The following SLC7A2 variants were observed in gnomAD, a reference collection of about 807,000 sequenced individuals.
SLC7A2 encodes solute carrier family 7 member 2.
Under a neutral mutation model 58.9 loss-of-function variants are expected in SLC7A2, and 48 were observed. That is an observed-to-expected ratio of 0.82 (90% CI 0.65 to 1.04). SLC7A2 has a LOEUF of 1.04. Ranked by LOEUF, SLC7A2 falls within the 50% of genes least tolerant of loss-of-function variation. The pLI is 0.00. For synonymous variants in SLC7A2, 363 were observed against 314.5 expected (o/e 1.15, Z -1.63); for missense variants, 1,029 against 818.8 (o/e 1.26, Z -3.13).
chr8:17,518,495 T>C (rs988321104), intron 2 of SLC7A2, among the ~76,000 whole-genome samples: 1 of 152,186 alleles, frequency 6.6e-6, no homozygotes, highest in Admixed American at 6.5e-5. Context: ...AACACTTTGC[T>C]CATCAGAGCA....
intron 1 of SLC7A2, chr8:17,499,341 GTC>G (rs370860922): frequency 1.1e-3 from 129 of 119,946 alleles, no homozygotes; most frequent in African/African-American, 3.6e-3. Flanking sequence ...CTCTCTCTCT[GTC>G]TCTCTCTCTC....
chr8:17,502,621 A>C (rs1042665026), intron 2 of SLC7A2, among the ~76,000 whole-genome samples: 1 of 152,194 alleles, frequency 6.6e-6, no homozygotes, highest in East Asian at 1.9e-4. Context: ...TGTACCTTTT[A>C]GAAAATTTTT....
rs751502199 is a variant in SLC7A2 at position 17,554,585 on chromosome 8, C to T, written c.1081C>T (p.Pro361Ser). The T allele has an allele frequency of 6.2e-6, 10 of 1,605,500 alleles. No homozygotes were observed. The highest frequency in any genetic ancestry group is 1.7e-5 in the Admixed American group (1 of 57,422). ...TSLLGSIFPM[P>S]RVIYAMAEDG... is the part of the protein sequence containing the mutation. ...TCTTCTTGGATCCATTTTCCCAATG[C>T]CTCGTGTAATCTATGCTATGGCGGA... The change falls in exon 8 of 13, where the codon CCT becomes TCT. Residue 361 changes from proline (P) to serine (S), a missense_variant. Pro to Ser is a moderately conservative substitution (Grantham distance 74). Transcript: ENST00000494857.
intron 2 of SLC7A2, among the ~76,000 whole-genome samples, chr8:17,535,777 C>T (rs559929147): frequency 2.0e-4 from 30 of 152,104 alleles, no homozygotes; most frequent in Middle Eastern, 3.4e-3. Flanking sequence ...GTGGTGGGCG[C>T]CTGTAGTCAC....
intron 2 of SLC7A2, among the ~76,000 whole-genome samples, chr8:17,503,420 C>G (rs562573573): frequency 8.0e-4 from 122 of 152,248 alleles, no homozygotes; most frequent in Middle Eastern, 6.8e-3. Flanking sequence ...CGAGTTTTTT[C>G]CTTCCTGAAA....
chr8:17,550,015 T>C (rs1415952272), intron 5 of SLC7A2, among the ~76,000 whole-genome samples: 1 of 152,174 alleles, frequency 6.6e-6, no homozygotes, highest in Admixed American at 6.5e-5. Context: ...GAATCTCTGC[T>C]CTCAAAATCC....
At chr8:17,549,665 C>T (rs1211572161) in intron 5 of SLC7A2, among the ~76,000 whole-genome samples, 1 of 152,134 alleles carries the variant, frequency 6.6e-6, no homozygotes, top group African/African-American at 2.4e-5. Context: ...GTTAGTTGCA[C>T]AAGCAGACAT....
intron 2 of SLC7A2, 45 bp from the exon 3 acceptor site, chr8:17,543,273 G>T (rs751353814): frequency 2.6e-6 from 4 of 1,536,148 alleles, no homozygotes; most frequent in Non-Finnish European, 3.5e-6. Context: ...CAAAGGGAGG[G>T]ATGACAATTC....
At chr8:17,548,610 G>A in intron 4 of SLC7A2, 68 bp from the exon 5 acceptor site, 5 of 1,101,094 alleles carry the variant, frequency 4.5e-6, no homozygotes, top group South Asian at 2.8e-5. Context: ...CTAAAGTCAT[G>A]TATTTGCCTC....
rs75324431 is a variant in SLC7A2, at chr8:17,507,197, G to A, written c.-23+4895G>A. On this transcript the variant is annotated intron_variant, in intron 2 of 12. Coordinates refer to ENST00000494857, the MANE Select transcript of SLC7A2 (RefSeq NM_001370338.1). ...GCTGACCTTGTGATCCACCCGCTTC[G>A]GCCCCACAAAGTGCTGCGATTACAG... is the stretch of plus-strand genomic sequence containing the variant. Among the ~76,000 whole-genome samples, 384 of 152,102 alleles carry A rather than the reference G, an allele frequency of 2.5e-3. 4 individuals are homozygous for A. Among genetic ancestry groups the A allele is most frequent in the African/African-American group, 8.9e-3 (368 of 41,468 alleles).
intron 1 of SLC7A2, among the ~76,000 whole-genome samples, chr8:17,501,387 T>C (rs1442858256): frequency 6.6e-6 from 1 of 152,190 alleles, no homozygotes; most frequent in Non-Finnish European, 1.5e-5. Flanking sequence ...CACTGGTAAG[T>C]ATAATTAGTA....
At position 17,569,097 on chromosome 8, in the gene SLC7A2, C is replaced by T. The variant is rs1262666683; in HGVS notation, c.*3951C>T. 3.9e-5 allele frequency: 6 copies of T among 152,270 alleles called. No homozygotes were observed. The highest frequency in any genetic ancestry group is 1.4e-4 in the African/African-American group (6 of 41,556). The allele number at this position is 152,270 out of a possible 1,614,324, so 9.4% of individuals were successfully genotyped here. ...AATACCCATGATGACAGAGGGAGCA[C>T]TTGAGCCTTGCCTTCCCTCCTCTTA... is the stretch of plus-strand genomic sequence containing the variant. On this transcript the variant is annotated 3_prime_UTR_variant, in exon 13 of 13. Coordinates refer to ENST00000494857, the MANE Select transcript of SLC7A2 (RefSeq NM_001370338.1).
At chr8:17,494,484 G>T (rs1232429295), upstream of SLC7A2, among the ~76,000 whole-genome samples, 2 of 152,136 alleles carry the variant, frequency 1.3e-5, no homozygotes, top group Non-Finnish European at 2.9e-5. Context: ...AAACCAGGGA[G>T]CGTGAAATAG....
intron 8 of SLC7A2, 152 bp downstream of exon 8, chr8:17,554,851 C>G: frequency 6.8e-7 from 1 of 1,479,590 alleles, no homozygotes; most frequent in Non-Finnish European, 9.1e-7. Context: ...TTTTTTGGTT[C>G]TGCATTTTCG....
At chr8:17,523,759 A>G (rs1360132732) in intron 2 of SLC7A2, among the ~76,000 whole-genome samples, 5 of 152,334 alleles carry the variant, frequency 3.3e-5, no homozygotes, top group South Asian at 2.1e-4. Flanking sequence ...AAAGATAACT[A>G]GATGGACTTA....
intron 2 of SLC7A2, among the ~76,000 whole-genome samples, chr8:17,538,624 A>T (rs920695229): frequency 6.6e-6 from 1 of 152,240 alleles, no homozygotes; most frequent in Admixed American, 6.5e-5. Context: ...TAAATTATTT[A>T]ACCCACGTTA....
At chr8:17,549,183 G>C (rs1217267107) in intron 5 of SLC7A2, among the ~76,000 whole-genome samples, 1 of 152,168 alleles carries the variant, frequency 6.6e-6, no homozygotes, top group Non-Finnish European at 1.5e-5. Flanking sequence ...CTCCCACTGG[G>C]TCCCTGCCAC....
intron 2 of SLC7A2, among the ~76,000 whole-genome samples, chr8:17,512,646 C>T (rs933851154): frequency 6.6e-6 from 1 of 151,976 alleles, no homozygotes; most frequent in Non-Finnish European, 1.5e-5. Flanking sequence ...TATTTAAAAT[C>T]GCAGTTAGTA....
chr8:17,555,289 G>A (rs1802644026), intron 8 of SLC7A2, among the ~76,000 whole-genome samples: 2 of 151,932 alleles, frequency 1.3e-5, no homozygotes, highest in South Asian at 4.2e-4. Context: ...TGACCCTTTG[G>A]GATTTTTTTT....
Sources: gnomAD v4.1 joint callset for allele counts (sites outside exome capture counted in the v4.1 genomes callset) on GRCh38, gnomAD v4.1.1 for gene constraint, MANE v1.5 for transcripts, NCBI Gene and HGNC (gene_info 2026-07-23, HGNC 2026-07-21) for gene names.